CBY1: variants seen among roughly 807,000 people sequenced by gnomAD.
CBY1 encodes chibby 1, beta catenin antagonist.
CBY1 carries 10 observed loss-of-function variants against 15.6 expected under a neutral mutation model. That is an observed-to-expected ratio of 0.64 (90% CI 0.40 to 1.09). The LOEUF is 1.09. Among genes scored for constraint, CBY1 ranks in the 50% least tolerant of loss-of-function variants. The pLI is 0.01. For missense variants in CBY1, 150 were observed against 160.5 expected (o/e 0.93, Z 0.35); for synonymous variants, 61 against 63.5 (o/e 0.96, Z 0.19).
intron 4 of CBY1, among the ~76,000 whole-genome samples, chr22:38,672,940 C>T (rs529329929): frequency 1.3e-5 from 2 of 152,212 alleles, no homozygotes; most frequent in African/African-American, 2.4e-5. Context: ...TGGGTGACAG[C>T]GTGCTGACAG....
chr22:38,668,142 G>C lies in CBY1; in HGVS notation c.78+10G>C, dbSNP rs200870736. 9.1e-5 allele frequency: 140 copies of C among 1,540,180 alleles called. 1 individual carries two copies. The African/African-American group carries it at 1.8e-3, about 19-fold the overall frequency. On this transcript the variant is annotated intron_variant, in intron 2 of 4. Transcript: ENST00000216029. ...CTCCAACCTGCATTCTGTGAGTGTCGGTACTGGGGTCGGCCGGGTGTGCAG... is the reference window on the plus strand; with the variant it reads ...CTCCAACCTGCATTCTGTGAGTGTCCGTACTGGGGTCGGCCGGGTGTGCAG...
At chr22:38,657,646 C>A (rs988417088) in intron 1 of CBY1, among the ~76,000 whole-genome samples, 8 of 152,228 alleles carry the variant, frequency 5.3e-5, no homozygotes, top group African/African-American at 1.9e-4. Flanking sequence ...TGGATGACAG[C>A]TCCCAGCTGT....
intron 1 of CBY1, among the ~76,000 whole-genome samples, chr22:38,666,953 C>T (rs148305113): frequency 0.022 from 3,386 of 151,378 alleles, 51 homozygotes; most frequent in Middle Eastern, 0.055. Context: ...TTGCCCGCCT[C>T]GGCCTCCCAA....
At chr22:38,666,219 TTA>T (rs1434478693) in intron 1 of CBY1, among the ~76,000 whole-genome samples, 1 of 129,044 alleles carries the variant, frequency 7.7e-6, no homozygotes, top group Non-Finnish European at 1.7e-5. Context: ...TGTATTAATG[TTA>T]TATATATATA....
At chr22:38,665,753 G>GA in intron 1 of CBY1, 1 of 1,219,320 alleles carries the variant, frequency 8.2e-7, no homozygotes, top group Non-Finnish European at 1.0e-6. Context: ...AAAATGTTTT[G>GA]AGCCAGTGCG....
At chr22:38,657,022 C>T (rs1238935203) in intron 1 of CBY1, 2 of 393,934 alleles carry the variant, frequency 5.1e-6, no homozygotes, top group Non-Finnish European at 6.9e-6. Context: ...TACTTGAGTC[C>T]GACAGCCCTG....
At position 38,667,840 on chromosome 22, in the gene CBY1, C is replaced by A; in HGVS notation, c.-38-177C>A. The A allele has an allele frequency of 5.1e-6, 3 of 585,474 alleles. No individual in the cohort carries two copies. The South Asian group carries it at 6.1e-5, about 12-fold the overall frequency. 36.3% of individuals were successfully genotyped at this position (585,474 alleles called of 1,614,324 possible). On this transcript the variant is annotated intron_variant, in intron 1 of 4. Transcript: ENST00000216029. ...CAGAGCTCACATGGCCCAGTCACCCCTTATACTGTTAAACAATGGCAATTC... is the reference window on the plus strand; with the variant it reads ...CAGAGCTCACATGGCCCAGTCACCCATTATACTGTTAAACAATGGCAATTC...
intron 2 of CBY1, 80 bp from the exon 3 acceptor site, chr22:38,670,804 C>G (rs2092450180): frequency 2.3e-6 from 2 of 862,138 alleles, no homozygotes; most frequent in East Asian, 4.8e-5. Context: ...TTGTTGGGGT[C>G]ATATTGTTGG....
At chr22:38,665,729 A>G (rs1285963319) in intron 1 of CBY1, 3 of 1,229,046 alleles carry the variant, frequency 2.4e-6, no homozygotes, top group Non-Finnish European at 3.0e-6. Context: ...CCCAATCTGG[A>G]GGGTGGTTTT....
At position 38,667,875 on chromosome 22, in the gene CBY1, A is replaced by T. The variant is rs536408915; in HGVS notation, c.-38-142A>T. ...TAAACAATGGCAATTCAATTTCAAC[A>T]TGAGTTTTGGTGGGGACATTCAAAC... On this transcript the variant is annotated intron_variant, in intron 1 of 4. Transcript: ENST00000216029. 114 of 600,566 alleles carry T rather than the reference A, an allele frequency of 1.9e-4. No homozygotes were observed. The East Asian group carries it at 3.2e-3, about 17-fold the overall frequency. The allele number at this position is 600,566 out of a possible 1,614,324, so 37.2% of individuals were successfully genotyped here.
chr22:38,666,983 T>G (rs1237837467), intron 1 of CBY1, among the ~76,000 whole-genome samples: 2 of 149,912 alleles, frequency 1.3e-5, no homozygotes, highest in Non-Finnish European at 3.0e-5. Flanking sequence ...ATTACAGATA[T>G]GAGCCACCGT....
Position 38,673,512 on chromosome 22 carries a change from C to T in CBY1, c.*276C>T. The T allele has an allele frequency of 2.8e-6, 1 of 359,282 alleles. No individual in the cohort carries two copies. The highest frequency in any genetic ancestry group is 2.7e-5 in the South Asian group (1 of 37,732). 22.3% of individuals were successfully genotyped at this position (359,282 alleles called of 1,614,324 possible). On this transcript the variant is annotated 3_prime_UTR_variant, in exon 5 of 5. Coordinates refer to ENST00000216029, the MANE Select transcript of CBY1 (RefSeq NM_015373.4). ...GGCTGCTGATGAGCTTTTTGGTGCTCTCCACACACAAGCTCGCAAACACAC... is the reference window on the plus strand; with the variant it reads ...GGCTGCTGATGAGCTTTTTGGTGCTTTCCACACACAAGCTCGCAAACACAC...
intron 1 of CBY1, among the ~76,000 whole-genome samples, chr22:38,665,956 G>A (rs2092434611): frequency 6.6e-6 from 1 of 151,042 alleles, no homozygotes; most frequent in Non-Finnish European, 1.5e-5. Flanking sequence ...GCAGGGCTCT[G>A]TCTCAAAAAA....
chr22:38,662,235 G>A (rs1294235600), intron 1 of CBY1, among the ~76,000 whole-genome samples: 1 of 151,660 alleles, frequency 6.6e-6, no homozygotes, highest in African/African-American at 2.4e-5. Flanking sequence ...CTGGGAGGTT[G>A]AGGCTGCAGT....
chr22:38,665,649 G>T, intron 1 of CBY1: 1 of 928,990 alleles, frequency 1.1e-6, no homozygotes, highest in Non-Finnish European at 1.4e-6. Context: ...TGCAAACGAG[G>T]ACTCACTGTG....
chr22:38,666,098 A>G (rs1030472618), intron 1 of CBY1, among the ~76,000 whole-genome samples: 2 of 151,588 alleles, frequency 1.3e-5, no homozygotes, highest in African/African-American at 4.8e-5. Context: ...TTGGCCTCCC[A>G]AAGTGCTGGG....
intron 1 of CBY1, among the ~76,000 whole-genome samples, chr22:38,659,110 A>C (rs949606076): frequency 6.6e-6 from 1 of 151,548 alleles, no homozygotes; most frequent in Non-Finnish European, 1.5e-5. Context: ...TAATTTTTGT[A>C]TTTTTAGTAG....
chr22:38,664,010 A>G (rs567358571), intron 1 of CBY1, among the ~76,000 whole-genome samples: 1 of 150,698 alleles, frequency 6.6e-6, no homozygotes, highest in Non-Finnish European at 1.5e-5. Flanking sequence ...TGACAGAGCG[A>G]GACTGTGTTT....
At chr22:38,663,759 T>C (rs1392952542) in intron 1 of CBY1, among the ~76,000 whole-genome samples, 2 of 145,936 alleles carry the variant, frequency 1.4e-5, no homozygotes, top group Non-Finnish European at 3.0e-5. Flanking sequence ...CAGTGGCTCA[T>C]GACTGTAATT....
Sources: gnomAD v4.1 joint callset for allele counts (sites outside exome capture counted in the v4.1 genomes callset) on GRCh38, gnomAD v4.1.1 for gene constraint, MANE v1.5 for transcripts, NCBI Gene and HGNC (gene_info 2026-07-23, HGNC 2026-07-21) for gene names.